IARS1: variants seen among roughly 807,000 people sequenced by gnomAD.
IARS1 encodes isoleucine--tRNA ligase, cytoplasmic.
In IARS1, 124 loss-of-function variants were observed where a neutral mutation model predicts 168.2. That is an observed-to-expected ratio of 0.74 (90% CI 0.64 to 0.86). IARS1 has a LOEUF of 0.86. Among genes scored for constraint, IARS1 ranks in the 40% least tolerant of loss-of-function variants. The pLI is 0.00. For synonymous variants in IARS1, 532 were observed against 529.4 expected (o/e 1.00, Z -0.07); for missense variants, 1,452 against 1,515.8 (o/e 0.96, Z 0.70).
intron 6 of IARS1, among the ~76,000 whole-genome samples, chr9:92,282,834 A>G (rs1015522583): frequency 1.4e-5 from 2 of 141,838 alleles, no homozygotes; most frequent in African/African-American, 5.4e-5. Context: ...ATATACATAC[A>G]CACACATATA....
intron 33 of IARS1, among the ~76,000 whole-genome samples, chr9:92,219,116 C>T (rs1278860243): frequency 6.6e-6 from 1 of 152,106 alleles, no homozygotes; most frequent in African/African-American, 2.4e-5. Context: ...AGAAATAACG[C>T]CACGTATCTA....
In IARS1 at chr9:92,223,558, C is replaced by T. The variant is rs183150822; in HGVS notation, c.3410-69G>A. 5.9e-5 allele frequency: 75 copies of T among 1,272,632 alleles called. 1 individual carries two copies. The East Asian group carries it at 1.7e-3, about 29-fold the overall frequency. 78.8% of individuals were successfully genotyped at this position (1,272,632 alleles called of 1,614,324 possible). A position where few individuals can be genotyped will look rare whatever the true frequency, so the allele number is the denominator to read the frequency against. On this transcript the variant is annotated intron_variant, in intron 31 of 33. Transcript: ENST00000443024. ...TCAAAACTGAAGTCATTCAATTTTT[C>T]CTATTTAACTATCATGTATCTTTTT...
intron 33 of IARS1, among the ~76,000 whole-genome samples, chr9:92,219,141 T>C (rs1839262405): frequency 6.6e-6 from 1 of 152,156 alleles, no homozygotes. Context: ...TATCTGATCT[T>C]TGACAAACCT....
chr9:92,289,486 ATAT>A (rs1835980630), intron 1 of IARS1, 60 bp from the exon 2 acceptor site: 1 of 785,786 alleles, frequency 1.3e-6, no homozygotes, highest in Admixed American at 1.9e-5. Context: ...ACAGAGTACC[ATAT>A]TATTAACATG....
chr9:92,275,487 T>C (rs1293587031), intron 9 of IARS1, among the ~76,000 whole-genome samples: 2 of 152,250 alleles, frequency 1.3e-5, no homozygotes, highest in African/African-American at 4.8e-5. Flanking sequence ...ATTTTAATTG[T>C]TGTAACCTAA....
At position 92,223,381 on chromosome 9, in the gene IARS1, T is replaced by C. The variant is rs560795216; in HGVS notation, c.3518A>G (p.Tyr1173Cys). 3.1e-6 allele frequency: 5 copies of C among 1,613,930 alleles called. No homozygotes were observed. Among genetic ancestry groups the C allele is most frequent in the African/African-American group, 2.7e-5 (2 of 75,064 alleles). The change falls in exon 32 of 34, where the codon TAT (tyrosine) becomes TGT (cysteine). Residue 1173 changes from tyrosine (Y) to cysteine (C), a missense_variant. Transcript: ENST00000443024. ...INSSSTLLCQ[Y>C]INLQLLNAKP... ...TGCATTCAGGAGCTGTAGGTTGATA[T>C]ACTGACAAAGAAGAGTACTAGAACT...
chr9:92,265,078 C>T lies in IARS1; in HGVS notation c.1551G>A (p.Leu517=). The T allele has an allele frequency of 6.2e-7, 1 of 1,614,110 alleles. No homozygotes were observed. Among genetic ancestry groups the T allele is most frequent in the South Asian group, 1.1e-5 (1 of 91,068 alleles). The change falls in exon 16 of 34, where the codon TTG becomes TTA. Residue 517 remains leucine, a synonymous_variant. Transcript: ENST00000443024. The part of the protein sequence containing the change: ...TIPSRCGKGS[L]HRISEVFDCW... Reference sequence around the variant, plus strand: ...AGTCAAACACTTCAGAGATGCGGTGCAAGGATCCCTTCCCACAGCGTGAAG... The same window carrying T: ...AGTCAAACACTTCAGAGATGCGGTGTAAGGATCCCTTCCCACAGCGTGAAG...
intron 28 of IARS1, chr9:92,242,989 G>C (rs1828658633): frequency 9.2e-6 from 4 of 436,156 alleles, no homozygotes; most frequent in Admixed American, 3.5e-5. Flanking sequence ...CTAAAAAAAA[G>C]GATGGGAAAA....
Position 92,250,752 on chromosome 9 carries a change from T to C in IARS1, c.2390A>G (p.Asp797Gly). The C allele has an allele frequency of 1.2e-6, 2 of 1,613,472 alleles. No homozygotes were observed. The highest frequency in any genetic ancestry group is 4.5e-5 in the East Asian group (2 of 44,870). Residue 797 changes from aspartate to glycine, a missense_variant, in exon 23 of 34, where the codon GAC becomes GGC. By Grantham distance (94) the Asp-to-Gly change is moderately conservative. Coordinates refer to ENST00000443024, the MANE Select transcript of IARS1 (RefSeq NM_002161.6). The stretch of plus-strand genomic sequence containing the variant: ...CATGAGGTAGTGAATGCTGAGTGTG[T>C]CCTTGTCCTGAACAGAAACAGGGTC... ...LIDPVSVQDK[D>G]TLSIHYLMLP...
At chr9:92,266,651 G>A (rs1832322812) in intron 14 of IARS1, among the ~76,000 whole-genome samples, 1 of 152,206 alleles carries the variant, frequency 6.6e-6, no homozygotes, top group Non-Finnish European at 1.5e-5. Context: ...AGAGACCAAT[G>A]CTCTCCTTCT....
At chr9:92,231,783 T>C (rs1024774274) in intron 30 of IARS1, among the ~76,000 whole-genome samples, 3 of 152,112 alleles carry the variant, frequency 2.0e-5, no homozygotes, top group African/African-American at 7.2e-5. Flanking sequence ...CATAAAAGAT[T>C]TCTATTTAAT....
intron 1 of IARS1, among the ~76,000 whole-genome samples, chr9:92,291,711 A>G (rs189198339): frequency 1.1e-4 from 16 of 152,344 alleles, no homozygotes; most frequent in Admixed American, 3.9e-4. Flanking sequence ...AGGCCAACTG[A>G]AACTTATGGG....
chr9:92,212,877 G>A (rs748524680), intron 33 of IARS1, among the ~76,000 whole-genome samples: 3 of 152,112 alleles, frequency 2.0e-5, no homozygotes, highest in Non-Finnish European at 4.4e-5. Flanking sequence ...AGAATAAGGA[G>A]CTTTGGGGGC....
chr9:92,226,101 G>C (rs1825631884), intron 31 of IARS1, among the ~76,000 whole-genome samples: 1 of 152,232 alleles, frequency 6.6e-6, no homozygotes, highest in Non-Finnish European at 1.5e-5. Context: ...GCTTTCCACT[G>C]ACTTATCCAC....
At position 92,286,516 on chromosome 9, in the gene IARS1, A is replaced by T; in HGVS notation, c.479+20T>A. 7.6e-7 allele frequency: 1 copy of T among 1,312,098 alleles called. No individual in the cohort carries two copies. The highest frequency in any genetic ancestry group is 1.1e-6 in the Non-Finnish European group (1 of 909,710). 81.3% of individuals were successfully genotyped at this position (1,312,098 alleles called of 1,614,324 possible). A position where few individuals can be genotyped will look rare whatever the true frequency, so the allele number is the denominator to read the frequency against. On this transcript the variant is annotated intron_variant, in intron 5 of 33. Transcript: ENST00000443024. ...ACAGAATAGAATATTTACCATATTTACAATTTTAAATAAACCTACCAGACT... is the reference window on the plus strand; with the variant it reads ...ACAGAATAGAATATTTACCATATTTTCAATTTTAAATAAACCTACCAGACT...
intron 11 of IARS1, 131 bp from the exon 12 acceptor site, chr9:92,271,207 CTAACTT>C (rs1832977955): frequency 3.3e-6 from 2 of 612,842 alleles, no homozygotes; most frequent in Non-Finnish European, 2.7e-6. Context: ...TTTTTAGTCA[CTAACTT>C]TAAGTAATTT....
chr9:92,223,307 C>T (rs1839925606), intron 32 of IARS1, 39 bp downstream of exon 32: 2 of 1,560,862 alleles, frequency 1.3e-6, no homozygotes, highest in East Asian at 4.5e-5. Flanking sequence ...CTTCAATGCC[C>T]AGCACCCCAC....
In IARS1 at chr9:92,289,355, C is replaced by A; in HGVS notation, c.65G>T (p.Trp22Leu). The A allele has an allele frequency of 1.3e-6, 2 of 1,596,014 alleles. No individual in the cohort carries two copies. The highest frequency in any genetic ancestry group is 1.7e-6 in the Non-Finnish European group (2 of 1,165,604). The change falls in exon 2 of 34, where the codon TGG (tryptophan) becomes TTG (leucine). Residue 22 changes from tryptophan to leucine, a missense_variant. Physicochemically the swap from Trp to Leu is moderately conservative, Grantham distance 61 (BLOSUM62 -2). Coordinates refer to ENST00000443024, the MANE Select transcript of IARS1 (RefSeq NM_002161.6). Reference sequence around the variant, plus strand: ...TTCCTGAAAACAATTAAATTCAGTCCAAAACTCCAAGATTTTCTCTTCTTC... The same window carrying A: ...TTCCTGAAAACAATTAAATTCAGTCAAAAACTCCAAGATTTTCTCTTCTTC... ...PAEEEKILEF[W>L]TEFNCFQECL...
At chr9:92,237,806 C>T (rs1003258711) in intron 30 of IARS1, among the ~76,000 whole-genome samples, 1 of 152,168 alleles carries the variant, frequency 6.6e-6, no homozygotes, top group African/African-American at 2.4e-5. Context: ...TATTTTTCTA[C>T]CCTTTTACTT....
Sources: gnomAD v4.1 joint callset for allele counts (sites outside exome capture counted in the v4.1 genomes callset) on GRCh38, gnomAD v4.1.1 for gene constraint, MANE v1.5 for transcripts, NCBI Gene and HGNC (gene_info 2026-07-23, HGNC 2026-07-21) for gene names.